REEP3: variants seen among roughly 807,000 people sequenced by gnomAD.
The protein encoded by REEP3 is receptor expression-enhancing protein 3.
REEP3 carries 20 observed loss-of-function variants against 41.3 expected under a neutral mutation model. The observed-to-expected ratio is 0.48, with a 90% CI of 0.34 to 0.70. The LOEUF (loss-of-function observed/expected upper bound fraction) is 0.70, where lower values mean the gene tolerates loss of function less well. REEP3 is among the 30% of genes least tolerant of loss of function. The probability of loss-of-function intolerance (pLI) is 0.01; values close to 1 mark genes in which losing one functional copy is unlikely to be tolerated. For synonymous variants in REEP3, 104 were observed against 101.8 expected, an observed-to-expected ratio of 1.02 and a Z score of -0.13; for missense variants, 271 against 308.8, an observed-to-expected ratio of 0.88 and a Z score of 0.92.
chr10:63,545,293 A>G (rs1450769220), intron 1 of REEP3, among the ~76,000 whole-genome samples: 2 of 152,218 alleles, frequency 1.3e-5, no homozygotes, highest in Non-Finnish European at 2.9e-5. Context: ...GGAATATTCA[A>G]TATTCTGGTT....
At chr10:63,593,418 C>G (rs2393990) in intron 2 of REEP3, among the ~76,000 whole-genome samples, 151,576 of 152,324 alleles carry the variant, frequency 1, 75,417 homozygotes, top group Middle Eastern at 1. Flanking sequence ...AGAAATCCTA[C>G]CCAAATGACT....
intron 1 of REEP3, among the ~76,000 whole-genome samples, chr10:63,546,164 G>T (rs369750465): frequency 6.6e-6 from 1 of 152,142 alleles, no homozygotes; most frequent in Non-Finnish European, 1.5e-5. Context: ...GCTGTTGGAG[G>T]GTTCTGAGCA....
intron 2 of REEP3, among the ~76,000 whole-genome samples, chr10:63,592,005 G>A (rs1956068529): frequency 6.6e-6 from 1 of 152,150 alleles, no homozygotes; most frequent in African/African-American, 2.4e-5. Flanking sequence ...TTACTTAAAT[G>A]CTTTTATTTT....
At chr10:63,583,608 A>C (rs150178494) in intron 2 of REEP3, among the ~76,000 whole-genome samples, 1 of 152,190 alleles carries the variant, frequency 6.6e-6, no homozygotes, top group African/African-American at 2.4e-5. Flanking sequence ...GTGCCTAAGA[A>C]GTGGGACCAA....
intron 1 of REEP3, among the ~76,000 whole-genome samples, chr10:63,546,876 A>G (rs1332651303): frequency 6.6e-6 from 1 of 152,206 alleles, no homozygotes; most frequent in East Asian, 1.9e-4. Context: ...TCACAGATAA[A>G]AATAAAACAG....
chr10:63,574,560 A>C (rs1306625578), intron 2 of REEP3, among the ~76,000 whole-genome samples: 1 of 152,186 alleles, frequency 6.6e-6, no homozygotes, highest in African/African-American at 2.4e-5. Flanking sequence ...ACATAACAGT[A>C]CCTGTCATAT....
chr10:63,593,185 TATC>T (rs1956081507), intron 2 of REEP3, among the ~76,000 whole-genome samples: 1 of 152,266 alleles, frequency 6.6e-6, no homozygotes. Context: ...CTATTTGAGT[TATC>T]ATTTTATATT....
At chr10:63,525,728 T>C (rs770488215) in intron 1 of REEP3, among the ~76,000 whole-genome samples, 63 of 152,220 alleles carry the variant, frequency 4.1e-4, no homozygotes, top group Non-Finnish European at 6.6e-4. Context: ...TAAGGGATAG[T>C]AGTTTGAGAT....
intron 1 of REEP3, among the ~76,000 whole-genome samples, chr10:63,524,341 G>T (rs1189059082): frequency 6.6e-6 from 1 of 152,100 alleles, no homozygotes; most frequent in African/African-American, 2.4e-5. Context: ...GGTAGCATGG[G>T]CAGGGAACCT....
At chr10:63,615,033 C>T (rs948203519) in intron 6 of REEP3, among the ~76,000 whole-genome samples, 2 of 151,866 alleles carry the variant, frequency 1.3e-5, no homozygotes, top group African/African-American at 4.8e-5. Flanking sequence ...TGAAACATAA[C>T]AATGTCAGTC....
chr10:63,618,970 C>T (rs947386071), intron 6 of REEP3, among the ~76,000 whole-genome samples: 2 of 152,236 alleles, frequency 1.3e-5, no homozygotes, highest in Non-Finnish European at 2.9e-5. Flanking sequence ...CTCGCGTGAT[C>T]TCTCACTGAT....
At chr10:63,576,773 C>T (rs762103220) in intron 2 of REEP3, among the ~76,000 whole-genome samples, 3 of 152,186 alleles carry the variant, frequency 2.0e-5, no homozygotes, top group Non-Finnish European at 4.4e-5. Flanking sequence ...CTTTTCCTGG[C>T]TTGTAAGGCA....
chr10:63,612,042 A>G (rs1956280980), intron 6 of REEP3, among the ~76,000 whole-genome samples: 1 of 152,184 alleles, frequency 6.6e-6, no homozygotes, highest in South Asian at 2.1e-4. Context: ...ATGATCAAGC[A>G]TTGGCCATTG....
At chr10:63,565,079 G>A (rs955196195) in intron 1 of REEP3, among the ~76,000 whole-genome samples, 3 of 152,022 alleles carry the variant, frequency 2.0e-5, no homozygotes, top group South Asian at 2.1e-4. Flanking sequence ...CCAACATGGC[G>A]AACCCTGTCT....
intron 1 of REEP3, among the ~76,000 whole-genome samples, chr10:63,555,015 A>G (rs1955664344): frequency 6.6e-6 from 1 of 151,992 alleles, no homozygotes; most frequent in Non-Finnish European, 1.5e-5. Flanking sequence ...TTTCCCCTCT[A>G]GTTTCATCTT....
chr10:63,552,198 A>C (rs1955635192), intron 1 of REEP3, among the ~76,000 whole-genome samples: 2 of 151,926 alleles, frequency 1.3e-5, no homozygotes, highest in African/African-American at 4.8e-5. Context: ...AGGTCAGGAG[A>C]TCAAGACCAT....
At chr10:63,537,651 C>G (rs1280654997) in intron 1 of REEP3, among the ~76,000 whole-genome samples, 1 of 152,096 alleles carries the variant, frequency 6.6e-6, no homozygotes, top group East Asian at 1.9e-4. Flanking sequence ...AAGCAGGGAG[C>G]AGGTAGCAAC....
chr10:63,598,272 G>A (rs867509404), intron 4 of REEP3, 128 bp downstream of exon 4: 1 of 528,146 alleles, frequency 1.9e-6, no homozygotes, highest in Non-Finnish European at 3.2e-6. Context: ...TGGAGGCCAG[G>A]AATATGAGAC....
At chr10:63,574,847 C>CTTTT (rs56001048) in intron 2 of REEP3, among the ~76,000 whole-genome samples, 6 of 58,890 alleles carry the variant, frequency 1.0e-4, no homozygotes, top group African/African-American at 1.9e-4. Flanking sequence ...AGGTCAATTT[C>CTTTT]TTTTTTTTTT....
Sources: gnomAD v4.1 joint callset for allele counts (sites outside exome capture counted in the v4.1 genomes callset) on GRCh38, gnomAD v4.1.1 for gene constraint, MANE v1.5 for transcripts, NCBI Gene and HGNC (gene_info 2026-07-23, HGNC 2026-07-21) for gene names.